TFPT: variants seen among roughly 807,000 people sequenced by gnomAD.
The protein encoded by TFPT is TCF3 fusion partner, also known as INO80 complex subunit F.
Under a neutral mutation model 28.8 loss-of-function variants are expected in TFPT, and 27 were observed. The observed-to-expected ratio is 0.94, with a 90% CI of 0.69 to 1.29. The LOEUF (loss-of-function observed/expected upper bound fraction) is 1.29. Among genes scored for constraint, TFPT ranks in the 50% most tolerant of loss-of-function variants. The probability of loss-of-function intolerance (pLI) is 0.00; values close to 1 mark genes in which losing one functional copy is unlikely to be tolerated. For missense variants in TFPT, 330 were observed against 338.0 expected, an observed-to-expected ratio of 0.98 and a Z score of 0.19; for synonymous variants, 152 against 142.8, an observed-to-expected ratio of 1.06 and a Z score of -0.46.
In TFPT at chr19:54,115,279, C is replaced by T. The variant is rs1233141245; in HGVS notation, c.-10G>A. 5.6e-6 allele frequency: 9 copies of T among 1,613,936 alleles called. No individual in the cohort carries two copies. The highest frequency in any genetic ancestry group is 7.6e-6 in the Non-Finnish European group (9 of 1,180,038). On this transcript the variant is annotated 5_prime_UTR_variant, in exon 1 of 6. Transcript: ENST00000391759. ...TCTGCTCCAATTCCATCTCCGCGAC[C>T]TCCGGAAGCCCCGGGCCTCAGAGCT...
chr19:54,108,237 C>T lies in TFPT; in HGVS notation c.431G>A (p.Gly144Asp), dbSNP rs1272376789. The change falls in exon 5 of 6, where the codon GGC becomes GAC. Residue 144 changes from glycine to aspartate, a missense_variant. By Grantham distance (94) the Gly-to-Asp change is moderately conservative. Coordinates refer to ENST00000391759, the MANE Select transcript of TFPT (RefSeq NM_013342.4). Reference sequence around the variant, plus strand: ...GGTGGGGGCATCCGTGCCCTGGCTGCCCTCATCCTGGCAGGCAGGAGGGGG... The same window carrying T: ...GGTGGGGGCATCCGTGCCCTGGCTGTCCTCATCCTGGCAGGCAGGAGGGGG... ...SQFTIVLEDE[G>D]SQGTDAPTPG... The T allele has an allele frequency of 6.3e-7, 1 of 1,589,952 alleles. No homozygotes were observed. Among genetic ancestry groups the T allele is most frequent in the Non-Finnish European group, 8.6e-7 (1 of 1,167,438 alleles).
At position 54,108,120 on chromosome 19, in the gene TFPT, G is replaced by A; in HGVS notation, c.548C>T (p.Pro183Leu). 1 of 1,576,276 alleles carries A rather than the reference G, an allele frequency of 6.3e-7. No homozygotes were observed. The highest frequency in any genetic ancestry group is 8.6e-7 in the Non-Finnish European group (1 of 1,161,030). ...PAPPEPGSPA[P>L]GEGPSGRKRR... ...CTTCCGCCCACTGGGCCCCTCACCG[G>A]GGGCTGGGCTGCCGGGTTCTGGGGG... The change falls in exon 5 of 6, where the codon CCC (proline) becomes CTC (leucine). Residue 183 changes from proline (P) to leucine (L), a missense_variant. Physicochemically the swap from Pro to Leu is moderately conservative, Grantham distance 98. Transcript: ENST00000391759.
intron 1 of TFPT, 175 bp downstream of exon 1, chr19:54,115,072 C>G: frequency 1.0e-6 from 1 of 1,002,692 alleles, no homozygotes; most frequent in South Asian, 1.5e-5. Flanking sequence ...AGTCCAAACC[C>G]CTAACCTTCT....
In TFPT at chr19:54,113,397, C is replaced by A. The variant is rs111711567; in HGVS notation, c.282+1045G>T. On this transcript the variant is annotated intron_variant, in intron 2 of 5. Transcript: ENST00000391759. ...AAACCTCCAGAAGCCAGGGGAGAGG[C>A]CTGGAAGATTCTCACAACCCTGTCG... 6.4e-3 allele frequency among the ~76,000 whole-genome samples: 971 copies of A among 152,200 alleles called. 7 individuals carry two copies. The highest frequency in any genetic ancestry group is 0.022 in the African/African-American group (907 of 41,530).
At chr19:54,109,180 G>A (rs1005123064) in intron 3 of TFPT, 4 of 156,118 alleles carry the variant, frequency 2.6e-5, no homozygotes, top group South Asian at 1.9e-4. Flanking sequence ...CAGGCATGAT[G>A]AGCCACTGCG....
rs1428791306 is a variant in TFPT, at chr19:54,108,790, TC to T, written c.354-396del. 5.0e-6 allele frequency: 3 copies of T among 594,650 alleles called. No individual in the cohort carries two copies. In the East Asian group the frequency reaches 9.0e-5, roughly 18 times the overall value. The allele number at this position is 594,650 out of a possible 1,614,324, so 36.8% of individuals were successfully genotyped here. A position where few individuals can be genotyped will look rare whatever the true frequency, so the allele number is the denominator to read the frequency against. ...GTACAGAACGCTCCTCCTAATGACC[TC>T]ACCTCTTATAAACACCCCCTTCTCT... On this transcript the variant is annotated intron_variant, in intron 3 of 5. Transcript: ENST00000391759.
chr19:54,109,547 C>T (rs2073382507), intron 3 of TFPT, among the ~76,000 whole-genome samples: 1 of 152,246 alleles, frequency 6.6e-6, no homozygotes, highest in East Asian at 1.9e-4. Context: ...GCAGGGGCAG[C>T]AGCCACCTGG....
rs1023671153 is a variant in TFPT, at chr19:54,115,439, C to A, written c.-170G>T. On this transcript the variant is annotated 5_prime_UTR_variant, in exon 1 of 6. Transcript: ENST00000391759. ...TTCCTGTTTCCGGCTTCGCTTCGGCCCACCCCCACGTCCACCCCGAATCCC... is the reference window on the plus strand; with the variant it reads ...TTCCTGTTTCCGGCTTCGCTTCGGCACACCCCCACGTCCACCCCGAATCCC... 3 of 851,082 alleles carry A rather than the reference C, an allele frequency of 3.5e-6. No homozygotes were observed. The highest frequency in any genetic ancestry group is 2.6e-5 in the East Asian group (1 of 38,310). 52.7% of individuals were successfully genotyped at this position (851,082 alleles called of 1,614,324 possible). A position where few individuals can be genotyped will look rare whatever the true frequency, so the allele number is the denominator to read the frequency against.
At position 54,113,093 on chromosome 19, in the gene TFPT, C is replaced by CA. The variant is rs139440012; in HGVS notation, c.282+1348dup. Among the ~76,000 whole-genome samples the CA allele has an allele frequency of 4.5e-3, 266 of 58,572 alleles. 15 individuals carry two copies. Among genetic ancestry groups the CA allele is most frequent in the African/African-American group, 9.0e-3 (123 of 13,634 alleles). 38.4% of individuals were successfully genotyped at this position (58,572 alleles called of 152,430 possible). A position where few individuals can be genotyped will look rare whatever the true frequency, so the allele number is the denominator to read the frequency against. ...GGGAGACAAGAGCGAGACTCCACCT[C>CA]AAAAAAAAAAAAAAAAAAAAAAAAA... On this transcript the variant is annotated intron_variant, in intron 2 of 5. Coordinates refer to ENST00000391759, the MANE Select transcript of TFPT (RefSeq NM_013342.4).
chr19:54,107,960 T>A, intron 5 of TFPT, 66 bp downstream of exon 5: 3 of 1,455,184 alleles, frequency 2.1e-6, no homozygotes, highest in Non-Finnish European at 1.8e-6. Context: ...GAGTCCCCCC[T>A]CCTTACCTGC....
At chr19:54,110,726 G>A (rs1159397675) in intron 2 of TFPT, among the ~76,000 whole-genome samples, 1 of 151,366 alleles carries the variant, frequency 6.6e-6, no homozygotes, top group Non-Finnish European at 1.5e-5. Context: ...CAACACACCC[G>A]ACCCCCCTTC....
intron 3 of TFPT, among the ~76,000 whole-genome samples, chr19:54,109,422 C>T (rs1040660410): frequency 1.1e-4 from 16 of 152,158 alleles, no homozygotes; most frequent in African/African-American, 3.9e-4. Flanking sequence ...TAGCCCTGGG[C>T]CACTGTGCCG....
chr19:54,107,693 C>G, intron 5 of TFPT: 1 of 364,524 alleles, frequency 2.7e-6, no homozygotes, highest in Non-Finnish European at 4.9e-6. Flanking sequence ...CTGATCCTTC[C>G]TTCTCCTCTA....
In TFPT at chr19:54,108,403, G is replaced by C. The variant is rs587705214; in HGVS notation, c.354-8C>G. 118 of 1,613,874 alleles carry C rather than the reference G, an allele frequency of 7.3e-5. 2 individuals carry two copies. In the East Asian group the frequency reaches 2.5e-3, roughly 34 times the overall value. On this transcript the variant is annotated splice_polypyrimidine_tract_variant and splice_region_variant and intron_variant, in intron 3 of 5. Coordinates refer to ENST00000391759, the MANE Select transcript of TFPT (RefSeq NM_013342.4). ...AGCACTCTCATGAGGAACCTGCTCA[G>C]GGGGAGAAGCCACCAACGGAATAAC... is the stretch of plus-strand genomic sequence containing the variant.
rs767048608 is a variant in TFPT, at chr19:54,115,320, C to A, written c.-51G>T. 1.9e-6 allele frequency: 3 copies of A among 1,613,438 alleles called. No individual in the cohort carries two copies. The African/African-American group carries it at 4.0e-5, about 22-fold the overall frequency. ...CCTCAGAGCTTCCGACCTCTTCAAT[C>A]TGTAGGTTAAGCCGTTCGCAAAACT... On this transcript the variant is annotated 5_prime_UTR_variant, in exon 1 of 6. Transcript: ENST00000391759.
chr19:54,113,093 CAAAAAAAAAAAAAAA>C (rs139440012), intron 2 of TFPT, among the ~76,000 whole-genome samples: 3 of 58,560 alleles, frequency 5.1e-5, no homozygotes, highest in Middle Eastern at 0.014. Context: ...GACTCCACCT[CAAAAAAAAAAAAAAA>C]AAAAAAAAAA....
intron 3 of TFPT, 64 bp from the exon 4 acceptor site, chr19:54,108,459 C>G (rs764915052): frequency 1.2e-6 from 2 of 1,613,816 alleles, no homozygotes; most frequent in East Asian, 4.5e-5. Flanking sequence ...AAAAGGGCCA[C>G]AGGATAGAGC....
chr19:54,110,513 G>A (rs1338628909), intron 2 of TFPT, among the ~76,000 whole-genome samples: 1 of 152,136 alleles, frequency 6.6e-6, no homozygotes, highest in Non-Finnish European at 1.5e-5. Flanking sequence ...GATCCCCTGA[G>A]GTCAGGAGTT....
intron 5 of TFPT, chr19:54,107,710 GC>G: frequency 2.6e-6 from 1 of 389,538 alleles, no homozygotes; most frequent in Non-Finnish European, 4.6e-6. Flanking sequence ...TCTACTCCCA[GC>G]CTTCTCTAGC....
Sources: allele counts gnomAD v4.1 joint callset (sites outside exome capture counted in the v4.1 genomes callset), GRCh38; gene constraint gnomAD v4.1.1; transcripts MANE v1.5; gene names NCBI Gene and HGNC (gene_info 2026-07-23, HGNC 2026-07-21).